The following CDH13 variants were observed in gnomAD, a reference collection of about 807,000 sequenced individuals.
The protein encoded by CDH13 is cadherin-13.
A neutral mutation model predicts 63.8 loss-of-function variants in CDH13; 24 were observed. The observed-to-expected ratio is 0.38, with a 90% confidence interval of 0.27 to 0.53. The LOEUF is 0.53. Ranked by LOEUF, CDH13 falls within the 20% of genes least tolerant of loss-of-function variation. CDH13 has a pLI of 0.85. For missense variants in CDH13, 1,049 were observed against 903.1 expected, an observed-to-expected ratio of 1.16 and a Z score of -2.07; for synonymous variants, 503 against 355.3, an observed-to-expected ratio of 1.42 and a Z score of -4.67.
At chr16:82,892,916 C>G (rs2041129974) in intron 2 of CDH13, among the ~76,000 whole-genome samples, 1 of 152,222 alleles carries the variant, frequency 6.6e-6, no homozygotes, top group East Asian at 1.9e-4. Flanking sequence ...AGAGTAATCC[C>G]TAAACACATT....
intron 1 of CDH13, among the ~76,000 whole-genome samples, chr16:82,666,769 A>G (rs1912635835): frequency 6.6e-6 from 1 of 152,218 alleles, no homozygotes; most frequent in South Asian, 2.1e-4. Context: ...GCTCAAGGTC[A>G]CACAGATGGA....
intron 10 of CDH13, among the ~76,000 whole-genome samples, chr16:83,736,768 T>C (rs747775852): frequency 6.6e-6 from 1 of 152,278 alleles, no homozygotes; most frequent in South Asian, 2.1e-4. Flanking sequence ...CAAAATCTTA[T>C]TGCAGGCACA....
At chr16:83,192,019 G>A (rs16959704) in intron 4 of CDH13, among the ~76,000 whole-genome samples, 18,385 of 152,056 alleles carry the variant, frequency 0.12, 1,090 homozygotes, top group South Asian at 0.18. Context: ...ACGGTTAAAG[G>A]GGATAGTTAA....
At chr16:83,012,318 C>CT (rs33972456) in intron 2 of CDH13, among the ~76,000 whole-genome samples, 1,242 of 121,052 alleles carry the variant, frequency 0.01, 9 homozygotes, top group South Asian at 0.017. Context: ...GGTTTCTTTC[C>CT]TTTTTTTTTT....
chr16:83,527,424 G>T (rs1183167362), intron 7 of CDH13, among the ~76,000 whole-genome samples: 1 of 151,866 alleles, frequency 6.6e-6, no homozygotes, highest in African/African-American at 2.4e-5. Context: ...ACTCCAGCCT[G>T]GGCGACAAAG....
intron 4 of CDH13, among the ~76,000 whole-genome samples, chr16:83,139,285 C>T (rs1166934074): frequency 6.6e-6 from 1 of 152,226 alleles, no homozygotes; most frequent in East Asian, 1.9e-4. Context: ...GTCCCTGACT[C>T]ATCCATGCCT....
intron 2 of CDH13, among the ~76,000 whole-genome samples, chr16:82,911,605 G>A (rs968181079): frequency 1.6e-4 from 25 of 152,150 alleles, no homozygotes; most frequent in Admixed American, 1.4e-3. Flanking sequence ...AGGATTAAAA[G>A]AGTTAACCCA....
At chr16:83,519,963 A>G (rs1299354603) in intron 7 of CDH13, among the ~76,000 whole-genome samples, 1 of 152,154 alleles carries the variant, frequency 6.6e-6, no homozygotes, top group African/African-American at 2.4e-5. Flanking sequence ...ATTTCAGGTA[A>G]AAACAGCAAA....
rs113530634 is a variant in CDH13, at chr16:82,630,439, C to T, written c.45+3302C>T. 3.7e-3 allele frequency among the ~76,000 whole-genome samples: 566 copies of T among 152,304 alleles called. 1 individual carries two copies. The highest frequency in any genetic ancestry group is 0.012 in the African/African-American group (482 of 41,570). ...CTATACTAAAAGCCCCAACAGTCATCTTAGCTGATCGCTCCTACTCTGCCT... is the reference window on the plus strand; with the variant it reads ...CTATACTAAAAGCCCCAACAGTCATTTTAGCTGATCGCTCCTACTCTGCCT... On this transcript the variant is annotated intron_variant, in intron 1 of 13. Coordinates refer to ENST00000567109, the MANE Select transcript of CDH13 (RefSeq NM_001257.5).
At chr16:83,484,179 G>T (rs1048816369) in intron 6 of CDH13, among the ~76,000 whole-genome samples, 1 of 152,150 alleles carries the variant, frequency 6.6e-6, no homozygotes, top group African/African-American at 2.4e-5. Flanking sequence ...TGATTCCAGT[G>T]GTGGGGGAAA....
At chr16:83,098,677 C>G (rs2034325298) in intron 3 of CDH13, among the ~76,000 whole-genome samples, 2 of 152,338 alleles carry the variant, frequency 1.3e-5, no homozygotes, top group South Asian at 2.1e-4. Context: ...CAACGGTTCA[C>G]TCCATTATCT....
In CDH13 at chr16:83,737,519, T is replaced by TG. The variant is rs1238851280; in HGVS notation, c.1539-10586dup. On this transcript the variant is annotated intron_variant, in intron 10 of 13. Transcript: ENST00000567109. Reference sequence around the variant, plus strand: ...CTATGTAATAGGGTTCTTTTTTTTTTGGGAAATATTGCCATCCTGTAAATT... The same window carrying TG: ...CTATGTAATAGGGTTCTTTTTTTTTTGGGGAAATATTGCCATCCTGTAAATT... 2.8e-3 allele frequency among the ~76,000 whole-genome samples: 428 copies of TG among 152,198 alleles called. 1 individual carries two copies. The highest frequency in any genetic ancestry group is 0.01 in the African/African-American group (417 of 41,472).
chr16:83,748,062 A>C, intron 10 of CDH13, 46 bp from the exon 11 acceptor site: 2 of 1,609,846 alleles, frequency 1.2e-6, no homozygotes, highest in Non-Finnish European at 1.7e-6. Context: ...ATGTTTCTTG[A>C]ATCTACTTTG....
intron 11 of CDH13, among the ~76,000 whole-genome samples, chr16:83,750,326 G>A (rs1217948295): frequency 1.3e-5 from 2 of 152,156 alleles, no homozygotes; most frequent in African/African-American, 4.8e-5. Flanking sequence ...CTCACGTTCA[G>A]TTTTGCTTAT....
chr16:83,233,432 A>C (rs928916416), intron 5 of CDH13, among the ~76,000 whole-genome samples: 1 of 152,200 alleles, frequency 6.6e-6, no homozygotes, highest in Non-Finnish European at 1.5e-5. Flanking sequence ...TTTCTGCCCA[A>C]ACAAATTACT....
intron 2 of CDH13, among the ~76,000 whole-genome samples, chr16:82,862,337 C>A (rs140640228): frequency 2.6e-5 from 4 of 152,210 alleles, no homozygotes; most frequent in African/African-American, 9.6e-5. Flanking sequence ...GTGATAAAAT[C>A]TGACTATCCT....
At chr16:83,643,766 A>ACAGG (rs1299523473) in intron 8 of CDH13, among the ~76,000 whole-genome samples, 13 of 152,186 alleles carry the variant, frequency 8.5e-5, no homozygotes, top group Non-Finnish European at 1.9e-4. Flanking sequence ...AATGAATGAG[A>ACAGG]CAGGTAGTAC....
chr16:82,733,793 C>T (rs1328915140), intron 1 of CDH13, among the ~76,000 whole-genome samples: 1 of 152,210 alleles, frequency 6.6e-6, no homozygotes, highest in East Asian at 1.9e-4. Flanking sequence ...AAACACACTA[C>T]TTAACACAAA....
Position 82,743,231 on chromosome 16 carries a change from T to C in CDH13, c.46-115131T>C, listed in dbSNP as rs1490503596. 2.0e-5 allele frequency among the ~76,000 whole-genome samples: 3 copies of C among 152,216 alleles called. No homozygotes were observed. In the East Asian group the frequency reaches 5.8e-4, roughly 29 times the overall value. On this transcript the variant is annotated intron_variant, in intron 1 of 13. Transcript: ENST00000567109. Reference sequence around the variant, plus strand: ...TAATAATTGTAGACCAGTGCTAATATGTTTTTTGTTTTTGAGACAGGGTCT... The same window carrying C: ...TAATAATTGTAGACCAGTGCTAATACGTTTTTTGTTTTTGAGACAGGGTCT...
Sources: gnomAD v4.1 joint callset for allele counts (sites outside exome capture counted in the v4.1 genomes callset) on GRCh38, gnomAD v4.1.1 for gene constraint, MANE v1.5 for transcripts, NCBI Gene and HGNC (gene_info 2026-07-23, HGNC 2026-07-21) for gene names.